The following SPATA6 variants were observed in gnomAD, a reference collection of about 807,000 sequenced individuals.
The protein encoded by SPATA6 is spermatogenesis-associated protein 6.
In SPATA6, 56 loss-of-function variants were observed where a neutral mutation model predicts 65.3. The observed-to-expected ratio is 0.86, with a 90% CI of 0.69 to 1.07. The LOEUF (loss-of-function observed/expected upper bound fraction) is 1.07, where lower values mean the gene tolerates loss of function less well. Among genes scored for constraint, SPATA6 ranks in the 50% least tolerant of loss-of-function variants. The probability of loss-of-function intolerance (pLI) is 0.00; values close to 1 mark genes in which losing one functional copy is unlikely to be tolerated. For synonymous variants in SPATA6, 199 were observed against 213.2 expected (o/e 0.93, Z 0.58); for missense variants, 590 against 594.8 (o/e 0.99, Z 0.08).
chr1:48,368,812 G>A (rs777561326), intron 9 of SPATA6, among the ~76,000 whole-genome samples: 3 of 152,130 alleles, frequency 2.0e-5, no homozygotes, highest in Non-Finnish European at 4.4e-5. Context: ...ATCATTCTCC[G>A]TCCAGCTTTG....
At chr1:48,328,516 A>G (rs1180240422) in intron 11 of SPATA6, among the ~76,000 whole-genome samples, 1 of 152,204 alleles carries the variant, frequency 6.6e-6, no homozygotes. Context: ...CAAAGACCAT[A>G]TATCATATGA....
rs543124898 is a variant in SPATA6, at chr1:48,313,264, G to A, written c.1195-7386C>T. On this transcript the variant is annotated intron_variant, in intron 11 of 12. Coordinates refer to ENST00000371847, the MANE Select transcript of SPATA6 (RefSeq NM_019073.4). Reference sequence around the variant, plus strand: ...TTGTCAGATTCACCAAAGTTTAAATGAAGGCAAAAATGTTAAGGGCAGCCA... The same window carrying A: ...TTGTCAGATTCACCAAAGTTTAAATAAAGGCAAAAATGTTAAGGGCAGCCA... Among the ~76,000 whole-genome samples, 7 of 152,290 alleles carry A rather than the reference G, an allele frequency of 4.6e-5. No homozygotes were observed. In the East Asian group the frequency reaches 9.7e-4, roughly 21 times the overall value.
At chr1:48,411,209 T>G (rs1030606613) in intron 5 of SPATA6, among the ~76,000 whole-genome samples, 7 of 152,228 alleles carry the variant, frequency 4.6e-5, no homozygotes, top group Admixed American at 1.3e-4. Context: ...TAAATTATTT[T>G]CATTTAGATT....
chr1:48,436,541 T>C (rs1654954836), intron 3 of SPATA6: 1 of 1,612,346 alleles, frequency 6.2e-7, no homozygotes, highest in Non-Finnish European at 8.5e-7. Flanking sequence ...CATATCCTCA[T>C]TTCTGGTGAT....
intron 11 of SPATA6, among the ~76,000 whole-genome samples, chr1:48,322,761 G>C (rs1348663493): frequency 1.3e-5 from 2 of 152,106 alleles, no homozygotes; most frequent in Non-Finnish European, 2.9e-5. Flanking sequence ...ATGGGTGAAG[G>C]ATATGAACAG....
At chr1:48,397,618 A>T (rs1313986521) in intron 7 of SPATA6, among the ~76,000 whole-genome samples, 1 of 151,728 alleles carries the variant, frequency 6.6e-6, no homozygotes, top group African/African-American at 2.4e-5. Flanking sequence ...TACATTTTGC[A>T]TATGCATGTA....
chr1:48,299,330 A>ATGGAGAAACCCCATATCTAC (rs1553139513), intron 12 of SPATA6, among the ~76,000 whole-genome samples: 2 of 151,822 alleles, frequency 1.3e-5, no homozygotes, highest in Admixed American at 6.6e-5. Context: ...CCAGACCAAC[A>ATGGAGAAACCCCATATCTAC]TGGAGAAACC....
At position 48,374,296 on chromosome 1, in the gene SPATA6, A is replaced by C. The variant is rs138569328; in HGVS notation, c.909+11013T>G. 4.5e-3 allele frequency among the ~76,000 whole-genome samples: 688 copies of C among 151,810 alleles called. 7 individuals are homozygous for C. Among genetic ancestry groups the C allele is most frequent in the Admixed American group, 4.3e-3 (65 of 15,258 alleles). On this transcript the variant is annotated intron_variant, in intron 9 of 12. Coordinates refer to ENST00000371847, the MANE Select transcript of SPATA6 (RefSeq NM_019073.4). ...CAAACCTATACATCAGTAAAACAACAAAAATGTAATTTTATAAAAAAAAAA... is the reference window on the plus strand; with the variant it reads ...CAAACCTATACATCAGTAAAACAACCAAAATGTAATTTTATAAAAAAAAAA...
intron 11 of SPATA6, among the ~76,000 whole-genome samples, chr1:48,341,746 T>C (rs1646221526): frequency 2.0e-5 from 3 of 152,172 alleles, no homozygotes; most frequent in Admixed American, 6.6e-5. Context: ...TTCATACTAG[T>C]TTTGCTGTCA....
chr1:48,343,188 G>A (rs1646267525), intron 11 of SPATA6, among the ~76,000 whole-genome samples: 1 of 152,088 alleles, frequency 6.6e-6, no homozygotes, highest in Non-Finnish European at 1.5e-5. Flanking sequence ...CATCTATGTG[G>A]CCTACTAGGG....
intron 11 of SPATA6, among the ~76,000 whole-genome samples, chr1:48,331,763 C>T (rs1645922753): frequency 6.6e-6 from 1 of 152,138 alleles, no homozygotes; most frequent in Admixed American, 6.5e-5. Flanking sequence ...ATCCCCAAGA[C>T]ATAATCATCT....
At chr1:48,304,882 G>A (rs1258871633) in intron 12 of SPATA6, among the ~76,000 whole-genome samples, 1 of 152,148 alleles carries the variant, frequency 6.6e-6, no homozygotes, top group Non-Finnish European at 1.5e-5. Flanking sequence ...TGCCTTTAAT[G>A]AAAAATAACA....
chr1:48,377,505 A>T (rs1170370969), intron 9 of SPATA6, among the ~76,000 whole-genome samples: 1 of 152,122 alleles, frequency 6.6e-6, no homozygotes, highest in African/African-American at 2.4e-5. Context: ...TCCTCAAAAT[A>T]CCTTTTCCAT....
intron 1 of SPATA6, 146 bp downstream of exon 1, chr1:48,471,812 G>A (rs1658275793): frequency 1.1e-6 from 1 of 915,450 alleles, no homozygotes; most frequent in Non-Finnish European, 1.7e-6. Context: ...AACAAGATGG[G>A]GCAGGACCGA....
At chr1:48,400,486 T>C (rs142042080) in intron 6 of SPATA6, among the ~76,000 whole-genome samples, 1 of 152,128 alleles carries the variant, frequency 6.6e-6, no homozygotes, top group African/African-American at 2.4e-5. Flanking sequence ...CTTCCTACTT[T>C]ATCCAGAGTT....
chr1:48,271,938 G>A, the SPATA6 span, among the ~76,000 whole-genome samples: 1 of 152,100 alleles, frequency 6.6e-6, no homozygotes, highest in African/African-American at 2.4e-5. Flanking sequence ...GTCAGGGTAA[G>A]CTCCTTGAGT....
chr1:48,426,645 A>AT (rs1371215716), intron 3 of SPATA6, among the ~76,000 whole-genome samples: 4 of 152,046 alleles, frequency 2.6e-5, no homozygotes, highest in Non-Finnish European at 4.4e-5. Context: ...GAAAAAAAAA[A>AT]TTTTTTTAAT....
intron 9 of SPATA6, among the ~76,000 whole-genome samples, chr1:48,376,223 C>T (rs1040250079): frequency 2.6e-5 from 4 of 152,092 alleles, no homozygotes; most frequent in Admixed American, 6.6e-5. Flanking sequence ...AAAGGTAAAT[C>T]CCCTTCAGAA....
chr1:48,364,786 G>A (rs1295779820), intron 9 of SPATA6, among the ~76,000 whole-genome samples: 1 of 152,192 alleles, frequency 6.6e-6, no homozygotes, highest in Non-Finnish European at 1.5e-5. Context: ...TTGCTGTGCA[G>A]AAGCTCTTTA....
Sources: allele counts gnomAD v4.1 joint callset (sites outside exome capture counted in the v4.1 genomes callset), GRCh38; gene constraint gnomAD v4.1.1; transcripts MANE v1.5; gene names NCBI Gene and HGNC (gene_info 2026-07-23, HGNC 2026-07-21).